The following ZNF423 variants were observed in gnomAD, a reference collection of about 807,000 sequenced individuals.
The protein encoded by ZNF423 is zinc finger protein 423.
In ZNF423, 12 loss-of-function variants were observed where a neutral mutation model predicts 95.8. That is an observed-to-expected ratio of 0.13 (90% CI 0.08 to 0.20). The LOEUF (loss-of-function observed/expected upper bound fraction) is 0.20. ZNF423 is among the 10% of genes least tolerant of loss of function. The pLI is 1.00. For missense variants in ZNF423, 1,316 were observed against 1,737.1 expected (o/e 0.76, Z 4.31); for synonymous variants, 749 against 711.9 (o/e 1.05, Z -0.83).
rs533135141 is a variant in ZNF423, at chr16:49,638,986, G to A, written c.302-112C>T. The A allele has an allele frequency of 1.9e-5, 27 of 1,447,872 alleles. No individual in the cohort carries two copies. Among genetic ancestry groups the A allele is most frequent in the East Asian group, 5.0e-5 (2 of 40,246 alleles). The allele number at this position is 1,447,872 out of a possible 1,614,324, so 89.7% of individuals were successfully genotyped here. ...GGCTGAGGCTGTGCAGCTGGCCAAC[G>A]GCTGCAGGGGGCTGTGGGGAGGGGC... On this transcript the variant is annotated intron_variant, in intron 3 of 7. Coordinates refer to ENST00000563137, the MANE Select transcript of ZNF423 (RefSeq NM_001379286.1). This position sits in a 1 kb window ranked among gnomAD's most constrained non-coding sequence, Gnocchi z 5.6.
At chr16:49,605,315 G>C (rs79950877) in intron 5 of ZNF423, among the ~76,000 whole-genome samples, 2,508 of 152,280 alleles carry the variant, frequency 0.016, 50 homozygotes, top group African/African-American at 0.057. Context: ...CTTATTGAAT[G>C]AGATGGAACT....
rs142395936 is a variant in ZNF423, at chr16:49,662,435, C to T, written c.302-23561G>A. Among the ~76,000 whole-genome samples the T allele has an allele frequency of 1.4e-3, 209 of 152,264 alleles. 1 individual carries two copies. Among genetic ancestry groups the T allele is most frequent in the African/African-American group, 4.6e-3 (190 of 41,556 alleles). On this transcript the variant is annotated intron_variant, in intron 3 of 7. Coordinates refer to ENST00000563137, the MANE Select transcript of ZNF423 (RefSeq NM_001379286.1). ...GGAAGGACAAACAGCGAGTCACCTG[C>T]GATATGGCAGCCATTTTTTAAAATG...
At chr16:49,641,154 C>T (rs745780814) in intron 3 of ZNF423, among the ~76,000 whole-genome samples, 4 of 152,228 alleles carry the variant, frequency 2.6e-5, no homozygotes, top group Non-Finnish European at 5.9e-5. Context: ...AGGTCCACTC[C>T]CACTGGACAG....
At chr16:49,794,200 G>A (rs1232511179) in intron 1 of ZNF423, among the ~76,000 whole-genome samples, 2 of 151,226 alleles carry the variant, frequency 1.3e-5, no homozygotes, top group East Asian at 2.0e-4. Context: ...CACGCCCGGT[G>A]GATTTTTGTA....
At chr16:49,598,251 T>C (rs980806019) in intron 5 of ZNF423, among the ~76,000 whole-genome samples, 17 of 152,346 alleles carry the variant, frequency 1.1e-4, no homozygotes, top group African/African-American at 3.8e-4. Flanking sequence ...AGAGCTTAGG[T>C]GTGTTACTGA....
chr16:49,826,206 T>C (rs1474098612), intron 1 of ZNF423, among the ~76,000 whole-genome samples: 2 of 152,150 alleles, frequency 1.3e-5, no homozygotes, highest in Admixed American at 6.5e-5. Flanking sequence ...AGCAAGACCC[T>C]GTCTCAAAAA....
chr16:49,699,188 C>T (rs562356944), intron 3 of ZNF423, among the ~76,000 whole-genome samples: 5 of 152,294 alleles, frequency 3.3e-5, no homozygotes, highest in African/African-American at 1.2e-4. Context: ...CTGGGCGAGG[C>T]GGCACTGACG....
rs1349743780 is a variant in ZNF423 at position 49,586,070 on chromosome 16, GCA to G, written c.3601+40098_3601+40099del. On this transcript the variant is annotated intron_variant, in intron 5 of 7. Transcript: ENST00000563137. ...ATCTGCCTCCCAGAACGCTAACCTGGCACAACACAACCAAACAGCAACGAAAG... is the reference window on the plus strand; with the variant it reads ...ATCTGCCTCCCAGAACGCTAACCTGGCAACACAACCAAACAGCAACGAAAG... Among the ~76,000 whole-genome samples, 4 of 152,216 alleles carry G rather than the reference GCA, an allele frequency of 2.6e-5. No homozygotes were observed. In the East Asian group the frequency reaches 7.7e-4, roughly 29 times the overall value.
chr16:49,521,723 C>T (rs12149439), intron 7 of ZNF423, among the ~76,000 whole-genome samples: 2 of 152,276 alleles, frequency 1.3e-5, no homozygotes, highest in South Asian at 2.1e-4. Flanking sequence ...TTATGAGCAC[C>T]GTAAGGATGA....
At chr16:49,602,627 C>T (rs1000232377) in intron 5 of ZNF423, among the ~76,000 whole-genome samples, 6 of 152,168 alleles carry the variant, frequency 3.9e-5, no homozygotes, top group South Asian at 2.1e-4. Context: ...GGGCTCCAGC[C>T]GCAGGCCCAG....
intron 2 of ZNF423, among the ~76,000 whole-genome samples, chr16:49,782,843 G>A (rs1009036408): frequency 2.6e-5 from 4 of 151,814 alleles, no homozygotes; most frequent in Admixed American, 2.6e-4. Context: ...CCCACTTCAC[G>A]CTAAGCATGG....
rs537730920 is a variant in ZNF423, at chr16:49,659,506, G to C, written c.302-20632C>G. Among the ~76,000 whole-genome samples, 14 of 152,364 alleles carry C rather than the reference G, an allele frequency of 9.2e-5. No homozygotes were observed. In the South Asian group the frequency reaches 2.9e-3, roughly 32 times the overall value. ...ACTGAGGCCCTTGAGGTCTGAGGGA[G>C]GGACTTGCCCCAGGGCAGAGTCCGG... On this transcript the variant is annotated intron_variant, in intron 3 of 7. Coordinates refer to ENST00000563137, the MANE Select transcript of ZNF423 (RefSeq NM_001379286.1).
At chr16:49,799,359 A>T (rs2034546681) in intron 1 of ZNF423, among the ~76,000 whole-genome samples, 1 of 152,176 alleles carries the variant, frequency 6.6e-6, no homozygotes, top group Admixed American at 6.5e-5. Flanking sequence ...CCCTGGAAAG[A>T]CAGGAGAGCT....
intron 2 of ZNF423, among the ~76,000 whole-genome samples, chr16:49,737,368 C>CAGCCTGG (rs1458124804): frequency 5.9e-5 from 9 of 152,066 alleles, no homozygotes; most frequent in Non-Finnish European, 8.8e-5. Context: ...CTTCCAGGTT[C>CAGCCTGG]AAGTGATTCT....
Position 49,603,432 on chromosome 16 carries a change from G to A in ZNF423, c.3601+22738C>T, listed in dbSNP as rs928599751. ...GTCTAGATTTTTTTTTTCTTCAGACGAAGTCTCACTCTTGTCCCCCCGGCT... is the reference window on the plus strand; with the variant it reads ...GTCTAGATTTTTTTTTTCTTCAGACAAAGTCTCACTCTTGTCCCCCCGGCT... On this transcript the variant is annotated intron_variant, in intron 5 of 7. Coordinates refer to ENST00000563137, the MANE Select transcript of ZNF423 (RefSeq NM_001379286.1). The surrounding 1 kb of genome is among the most constrained non-coding windows in gnomAD (Gnocchi z 4.1). Among the ~76,000 whole-genome samples the A allele has an allele frequency of 2.0e-5, 3 of 151,766 alleles. No individual in the cohort carries two copies. The highest frequency in any genetic ancestry group is 4.2e-4 in the South Asian group (2 of 4,804).
intron 2 of ZNF423, among the ~76,000 whole-genome samples, chr16:49,752,928 ACTAGGCAG>A (rs1294403920): frequency 6.6e-6 from 1 of 152,168 alleles, no homozygotes; most frequent in Admixed American, 6.5e-5. Flanking sequence ...GACAAAATCC[ACTAGGCAG>A]CAAGGAATAT....
rs149323390 is a variant in ZNF423, at chr16:49,813,954, CAGA to C, written c.41-24411_41-24409del. Among the ~76,000 whole-genome samples the C allele has an allele frequency of 3.9e-3, 594 of 152,322 alleles. 2 individuals carry two copies. The highest frequency in any genetic ancestry group is 0.013 in the African/African-American group (540 of 41,566). On this transcript the variant is annotated intron_variant, in intron 1 of 7. Transcript: ENST00000563137. Reference sequence around the variant, plus strand: ...CCGGGAGGCCCCAGGTGGGCTCCTGCAGAAGAAGCTGGAAAAAGAAAACAAGCA... The same window carrying C: ...CCGGGAGGCCCCAGGTGGGCTCCTGCAGAAGCTGGAAAAAGAAAACAAGCA...
chr16:49,642,801 CTTTT>C lies in ZNF423; in HGVS notation c.302-3931_302-3928del, dbSNP rs55662710. On this transcript the variant is annotated intron_variant, in intron 3 of 7. Transcript: ENST00000563137. ...TCAGCAGAGAAAGCGGTTCTCTTTT[CTTTT>C]TTTTTTTTTTTTTTTTTTTGGCAGG... Among the ~76,000 whole-genome samples, 628 of 91,524 alleles carry C rather than the reference CTTTT, an allele frequency of 6.9e-3. 3 individuals carry two copies. The highest frequency in any genetic ancestry group is 0.026 in the African/African-American group (604 of 23,642). 60.0% of individuals were successfully genotyped at this position (91,524 alleles called of 152,430 possible). A position where few individuals can be genotyped will look rare whatever the true frequency, so the allele number is the denominator to read the frequency against.
chr16:49,697,588 A>G (rs2032020849), intron 3 of ZNF423, among the ~76,000 whole-genome samples: 1 of 152,074 alleles, frequency 6.6e-6, no homozygotes, highest in African/African-American at 2.4e-5. Flanking sequence ...AAAAGACTCT[A>G]GGGAAATTTT....
Sources: allele counts gnomAD v4.1 joint callset (sites outside exome capture counted in the v4.1 genomes callset), GRCh38; gene constraint gnomAD v4.1.1; non-coding constraint Gnocchi (gnomAD v3.1); transcripts MANE v1.5; gene names NCBI Gene and HGNC (gene_info 2026-07-23, HGNC 2026-07-21).